CLNK: variants seen among roughly 807,000 people sequenced by gnomAD.
The protein encoded by CLNK is cytokine dependent hematopoietic cell linker, also known as cytokine-dependent hematopoietic cell linker.
CLNK carries 74 observed loss-of-function variants against 68.6 expected under a neutral mutation model. The ratio of observed to expected loss-of-function variants is 1.08; its 90% CI spans 0.89 to 1.31. The LOEUF is 1.31. CLNK is among the 50% of genes most tolerant of loss of function. The pLI is 0.00. For synonymous variants in CLNK, 198 were observed against 172.2 expected (o/e 1.15, Z -1.17); for missense variants, 553 against 515.3 (o/e 1.07, Z -0.71).
intron 7 of CLNK, 42 bp from the exon 8 acceptor site, chr4:10,558,494 C>A (rs1404372769): frequency 6.4e-6 from 10 of 1,567,098 alleles, no homozygotes; most frequent in South Asian, 1.1e-5. Flanking sequence ...TCAGTTGTGA[C>A]TATGACACTA....
intron 2 of CLNK, among the ~76,000 whole-genome samples, chr4:10,619,271 G>A (rs1722339278): frequency 1.3e-5 from 2 of 152,174 alleles, no homozygotes; most frequent in Admixed American, 6.6e-5. Flanking sequence ...CTAAATTAGA[G>A]GTAAGCATTG....
chr4:10,583,365 C>T (rs1314333146), intron 4 of CLNK, among the ~76,000 whole-genome samples: 7 of 152,112 alleles, frequency 4.6e-5, no homozygotes, highest in African/African-American at 7.2e-5. Flanking sequence ...GGGCTCCCTG[C>T]AACCTCCATC....
chr4:10,512,884 AACCAATT>A (rs1308340742), intron 16 of CLNK, among the ~76,000 whole-genome samples: 1 of 151,892 alleles, frequency 6.6e-6, no homozygotes, highest in Non-Finnish European at 1.5e-5. Flanking sequence ...GTCCAAAAAT[AACCAATT>A]GTAGTGAATG....
chr4:10,528,757 T>G (rs1718422578), intron 12 of CLNK, among the ~76,000 whole-genome samples: 1 of 152,246 alleles, frequency 6.6e-6, no homozygotes, highest in South Asian at 2.1e-4. Flanking sequence ...TGAAGTGATA[T>G]GATAAACTAT....
chr4:10,671,082 CA>C (rs1484002409), intron 1 of CLNK, among the ~76,000 whole-genome samples: 1 of 152,158 alleles, frequency 6.6e-6, no homozygotes, highest in African/African-American at 2.4e-5. Context: ...ACTCTTCTGA[CA>C]TTTTAAAAAG....
intron 13 of CLNK, 38 bp downstream of exon 13, chr4:10,528,038 T>G (rs1718391627): frequency 8.5e-7 from 1 of 1,181,940 alleles, no homozygotes; most frequent in East Asian, 2.9e-5. Flanking sequence ...ACCTAGTCTA[T>G]TAGTATTAGG....
Position 10,490,386 on chromosome 4 carries a change from G to A in CLNK, c.*81C>T. ...AAGTTAAAAAAGTTGTCCCTTGAAGGCACAGAAAATAAACTTTTGAAATCA... is the reference window on the plus strand; with the variant it reads ...AAGTTAAAAAAGTTGTCCCTTGAAGACACAGAAAATAAACTTTTGAAATCA... On this transcript the variant is annotated 3_prime_UTR_variant, in exon 19 of 19. Coordinates refer to ENST00000226951, the MANE Select transcript of CLNK (RefSeq NM_052964.4). 1 of 1,451,346 alleles carries A rather than the reference G, an allele frequency of 6.9e-7. No homozygotes were observed. The highest frequency in any genetic ancestry group is 9.3e-7 in the Non-Finnish European group (1 of 1,075,830). 89.9% of individuals were successfully genotyped at this position (1,451,346 alleles called of 1,614,324 possible).
At chr4:10,613,793 G>C (rs16870613) in intron 2 of CLNK, among the ~76,000 whole-genome samples, 3,614 of 152,246 alleles carry the variant, frequency 0.024, 146 homozygotes, top group African/African-American at 0.074. Context: ...CTGAATGTCT[G>C]CTCTTTTGGA....
intron 4 of CLNK, among the ~76,000 whole-genome samples, chr4:10,580,395 G>A (rs957886933): frequency 2.0e-5 from 3 of 152,030 alleles, no homozygotes; most frequent in East Asian, 1.9e-4. Flanking sequence ...AAAGCATCCC[G>A]CTACTGATTA....
intron 4 of CLNK, among the ~76,000 whole-genome samples, chr4:10,577,697 C>T (rs553731557): frequency 5.2e-4 from 79 of 151,600 alleles, no homozygotes; most frequent in Non-Finnish European, 7.9e-4. Context: ...AGCAAGAAGG[C>T]GGGAAGAACA....
intron 15 of CLNK, among the ~76,000 whole-genome samples, chr4:10,519,990 T>A (rs941773934): frequency 1.3e-5 from 2 of 151,596 alleles, no homozygotes; most frequent in Admixed American, 6.6e-5. Context: ...GTGGAGAACC[T>A]CATCCTCTCC....
chr4:10,531,889 G>A (rs1034302601), intron 12 of CLNK: 2 of 473,808 alleles, frequency 4.2e-6, no homozygotes, highest in East Asian at 5.8e-5. Context: ...TTGCATTCCT[G>A]TATTTCTTAT....
In CLNK at chr4:10,511,355, C is replaced by T. The variant is rs74727665; in HGVS notation, c.906+2109G>A. Among the ~76,000 whole-genome samples the T allele has an allele frequency of 6.7e-3, 1,026 of 152,236 alleles. 11 individuals are homozygous for T. Among genetic ancestry groups the T allele is most frequent in the East Asian group, 0.038 (198 of 5,180 alleles). On this transcript the variant is annotated intron_variant, in intron 16 of 18. Transcript: ENST00000226951. ...ATATTTTCCAGAATTTGACTCTTTT[C>T]GGCAATAATATAATAAGATTTACCA...
Position 10,490,505 on chromosome 4 carries a change from G to C in CLNK, c.1249C>G (p.Gln417Glu). ...GVHRKQCHLT[Q>E]PLPLTRHLLP... is the part of the protein sequence containing the mutation. ...AGGTGTCTGGTGAGAGGGAGTGGCT[G>C]AGTGAGGTGACACTGTTTCCTGTGG... Residue 417 changes from glutamine (Q) to glutamate (E), a missense_variant, in exon 19 of 19, where the codon CAG becomes GAG. Coordinates refer to ENST00000226951, the MANE Select transcript of CLNK (RefSeq NM_052964.4). 3 of 1,613,150 alleles carry C rather than the reference G, an allele frequency of 1.9e-6. No individual in the cohort carries two copies. The highest frequency in any genetic ancestry group is 2.5e-6 in the Non-Finnish European group (3 of 1,179,612).
chr4:10,606,222 G>C (rs1252211520), intron 2 of CLNK, among the ~76,000 whole-genome samples: 1 of 151,936 alleles, frequency 6.6e-6, no homozygotes, highest in Non-Finnish European at 1.5e-5. Flanking sequence ...AAACATTTTT[G>C]TTAAAAAATT....
the CLNK span, among the ~76,000 whole-genome samples, chr4:10,711,256 G>A: frequency 6.6e-6 from 1 of 152,144 alleles, no homozygotes; most frequent in East Asian, 1.9e-4. Flanking sequence ...GGAGACCTCT[G>A]AGGTCCTTTC....
At chr4:10,566,255 G>T in intron 5 of CLNK, 105 bp from the exon 6 acceptor site, 1 of 1,092,818 alleles carries the variant, frequency 9.2e-7, no homozygotes. Context: ...TTAGCTGCAA[G>T]TTAAATATTT....
intron 2 of CLNK, among the ~76,000 whole-genome samples, chr4:10,633,319 CA>C (rs1173701346): frequency 6.6e-6 from 1 of 152,188 alleles, no homozygotes; most frequent in Non-Finnish European, 1.5e-5. Flanking sequence ...TGCATTCTCT[CA>C]AGTCGACAGC....
intron 17 of CLNK, among the ~76,000 whole-genome samples, chr4:10,502,267 G>A (rs1717086738): frequency 6.6e-6 from 1 of 152,194 alleles, no homozygotes; most frequent in African/African-American, 2.4e-5. Context: ...GAAGGCGAAG[G>A]GGAAGCAAGC....
Sources: gnomAD v4.1 joint callset for allele counts (sites outside exome capture counted in the v4.1 genomes callset) on GRCh38, gnomAD v4.1.1 for gene constraint, MANE v1.5 for transcripts, NCBI Gene and HGNC (gene_info 2026-07-23, HGNC 2026-07-21) for gene names.